The following XPOT variants were observed in gnomAD, a reference collection of about 807,000 sequenced individuals.
XPOT encodes exportin for tRNA.
XPOT carries 34 observed loss-of-function variants against 128.2 expected under a neutral mutation model. The ratio of observed to expected loss-of-function variants is 0.27; its 90% CI spans 0.20 to 0.35. XPOT has a LOEUF of 0.35. Among genes scored for constraint, XPOT ranks in the 10% least tolerant of loss-of-function variants. The pLI is 1.00. For synonymous variants in XPOT, 348 were observed against 394.3 expected, an observed-to-expected ratio of 0.88 and a Z score of 1.39; for missense variants, 838 against 1,125.3, an observed-to-expected ratio of 0.74 and a Z score of 3.65.
chr12:64,445,120 A>G lies in XPOT; in HGVS notation c.2851A>G (p.Asn951Asp), dbSNP rs770622196. The G allele has an allele frequency of 3.6e-5, 58 of 1,610,334 alleles. No homozygotes were observed. Among genetic ancestry groups the G allele is most frequent in the Non-Finnish European group, 4.7e-5 (55 of 1,178,368 alleles). Residue 951 changes from asparagine (N) to aspartate (D), a missense_variant, in exon 24 of 25, where the codon AAT becomes GAT. Asn to Asp is a conservative substitution (Grantham distance 23). Transcript: ENST00000332707. The stretch of plus-strand genomic sequence containing the variant: ...GCAGCCTGATGCTAAAGTTTTTAAA[A>G]ATTACTTAAAGGTAGGTATTTGTGA... ...LQQPDAKVFK[N>D]YLKVFFQRAK...
At position 64,448,171 on chromosome 12, in the gene XPOT, C is replaced by T; in HGVS notation, c.*40C>T. 6.2e-7 allele frequency: 1 copy of T among 1,606,610 alleles called. No individual in the cohort carries two copies. Among genetic ancestry groups the T allele is most frequent in the Non-Finnish European group, 8.5e-7 (1 of 1,173,380 alleles). ...TGTGCCTACTTCATGATCATGAATT[C>T]CAGTTAATTTATAAAGAGGCGATTT... On this transcript the variant is annotated 3_prime_UTR_variant, in exon 25 of 25. Transcript: ENST00000332707.
At chr12:64,407,893 C>T (rs750197465) in intron 1 of XPOT, among the ~76,000 whole-genome samples, 14 of 152,120 alleles carry the variant, frequency 9.2e-5, no homozygotes, top group Non-Finnish European at 1.8e-4. Flanking sequence ...AGCTCTCAGT[C>T]CATATCCTGA....
rs1267856848 is a variant in XPOT at position 64,433,535 on chromosome 12, G to A, written c.2384G>A (p.Arg795Gln). ...QSAALEKQML[R>Q]RSYFAFLQTV... Reference sequence around the variant, plus strand: ...GCTGCTTTAGAGAAGCAGATGTTGCGGAGGAGTTACTTTGCTTTCCTGCAA... The same window carrying A: ...GCTGCTTTAGAGAAGCAGATGTTGCAGAGGAGTTACTTTGCTTTCCTGCAA... Residue 795 changes from arginine to glutamine, a missense_variant, in exon 19 of 25, where the codon CGG becomes CAG. By Grantham distance (43) the Arg-to-Gln change is conservative. This residue lies in a region of XPOT where 761 missense variants were observed against 988.3 expected (regional missense o/e 0.77). Transcript: ENST00000332707. 2.1e-5 allele frequency: 34 copies of A among 1,613,006 alleles called. No individual in the cohort carries two copies. The highest frequency in any genetic ancestry group is 1.5e-4 in the African/African-American group (11 of 74,890).
chr12:64,406,635 C>T (rs1236754621), intron 1 of XPOT, among the ~76,000 whole-genome samples: 6 of 152,156 alleles, frequency 3.9e-5, no homozygotes, highest in Admixed American at 1.3e-4. Context: ...CTCGGCCTTC[C>T]TTAGTGCTGG....
At chr12:64,435,600 A>G in intron 21 of XPOT, 27 bp from the exon 22 acceptor site, 4 of 1,582,884 alleles carry the variant, frequency 2.5e-6, no homozygotes, top group Non-Finnish European at 3.4e-6. Context: ...TTGAATATAT[A>G]GAAATTCTTA....
At chr12:64,430,385 TA>T in intron 17 of XPOT, 98 bp downstream of exon 17, 1 of 1,000,510 alleles carries the variant, frequency 1.0e-6, no homozygotes, top group South Asian at 1.9e-5. Flanking sequence ...CACAGTTGGA[TA>T]ATCCAGAGAA....
intron 24 of XPOT, among the ~76,000 whole-genome samples, chr12:64,445,624 T>C (rs976483146): frequency 3.9e-5 from 6 of 152,184 alleles, no homozygotes; most frequent in African/African-American, 9.7e-5. Context: ...ATAGTTATAA[T>C]TGAGTTCATG....
In XPOT at chr12:64,425,884, T is replaced by C; in HGVS notation, c.1642T>C (p.Phe548Leu). 2 of 1,614,158 alleles carry C rather than the reference T, an allele frequency of 1.2e-6. No homozygotes were observed. Among genetic ancestry groups the C allele is most frequent in the South Asian group, 2.2e-5 (2 of 91,086 alleles). Reference protein sequence around the residue: ...AKVRSRTAYLFSRFVKSLNKQ... With the variant: ...AKVRSRTAYLLSRFVKSLNKQ... ...AGTTCGGAGCAGGACGGCTTACCTG[T>C]TTTCTAGATTTGTCAAATCTCTCAA... The change falls in exon 15 of 25, where the codon TTT becomes CTT. Residue 548 changes from phenylalanine to leucine, a missense_variant. Physicochemically the swap from Phe to Leu is conservative, Grantham distance 22. Coordinates refer to ENST00000332707, the MANE Select transcript of XPOT (RefSeq NM_007235.6).
chr12:64,443,735 A>G (rs977353452), intron 23 of XPOT, among the ~76,000 whole-genome samples: 1 of 152,094 alleles, frequency 6.6e-6, no homozygotes, highest in Non-Finnish European at 1.5e-5. Context: ...GATTACAGGC[A>G]TGAGCCACTG....
chr12:64,434,384 C>G, intron 19 of XPOT, 123 bp from the exon 20 acceptor site: 1 of 648,504 alleles, frequency 1.5e-6, no homozygotes, highest in Admixed American at 2.7e-5. Context: ...TTTTTTCCCC[C>G]TTCATTTTTC....
intron 14 of XPOT, 139 bp downstream of exon 14, chr12:64,425,596 TC>T: frequency 8.6e-7 from 1 of 1,161,802 alleles, no homozygotes; most frequent in Admixed American, 2.4e-5. Context: ...AAGTAACCCC[TC>T]CTCCATTTCT....
At chr12:64,427,945 C>A in intron 15 of XPOT, 106 bp from the exon 16 acceptor site, 1 of 716,518 alleles carries the variant, frequency 1.4e-6, no homozygotes, top group Non-Finnish European at 2.4e-6. Context: ...AAGTGACTAG[C>A]CTACAACTGA....
At chr12:64,405,231 T>A (rs1253508217) in intron 1 of XPOT, 3 of 152,486 alleles carry the variant, frequency 2.0e-5, no homozygotes, top group Non-Finnish European at 4.4e-5. Context: ...AAAGTGTTAT[T>A]TCTGTGCAGT....
chr12:64,434,707 G>T (rs2040268606), intron 20 of XPOT, 84 bp downstream of exon 20: 1 of 1,529,586 alleles, frequency 6.5e-7, no homozygotes, highest in South Asian at 1.1e-5. Flanking sequence ...CCCTAACAGA[G>T]AGAGAAACTG....
rs183589380 is a variant in XPOT at position 64,420,066 on chromosome 12, T to G, written c.490-4T>G. The G allele has an allele frequency of 1.3e-6, 2 of 1,551,556 alleles. No homozygotes were observed. The highest frequency in any genetic ancestry group is 1.4e-5 in the African/African-American group (1 of 72,450). ...TACTTTGCATTTGGCGTTTTGTATT[T>G]TAGGAGGCTCGTAGGAATACTCTCA... On this transcript the variant is annotated splice_polypyrimidine_tract_variant and splice_region_variant and intron_variant, in intron 6 of 24. Transcript: ENST00000332707.
chr12:64,421,549 A>T, intron 9 of XPOT, 78 bp downstream of exon 9: 1 of 960,434 alleles, frequency 1.0e-6, no homozygotes, highest in Non-Finnish European at 1.6e-6. Context: ...TGGAAAAATT[A>T]AAAATGAGAA....
At chr12:64,425,938 T>A (rs530385734) in intron 15 of XPOT, 29 bp downstream of exon 15, 1 of 1,588,446 alleles carries the variant, frequency 6.3e-7, no homozygotes, top group African/African-American at 1.3e-5. Context: ...CTATTATGTT[T>A]AGTTATTTTT....
intron 3 of XPOT, among the ~76,000 whole-genome samples, chr12:64,416,330 G>T (rs970432791): frequency 1.3e-5 from 2 of 152,182 alleles, no homozygotes; most frequent in Admixed American, 1.3e-4. Flanking sequence ...TGTCTGTTCT[G>T]CCATTTGTAA....
At chr12:64,407,864 A>T (rs1483822709) in intron 1 of XPOT, among the ~76,000 whole-genome samples, 1 of 152,148 alleles carries the variant, frequency 6.6e-6, no homozygotes, top group Non-Finnish European at 1.5e-5. Context: ...CATAAGAGAA[A>T]GGGCTGAGCT....
Sources: gnomAD v4.1 joint callset for allele counts (sites outside exome capture counted in the v4.1 genomes callset) on GRCh38, gnomAD v4.1.1 for gene constraint, gnomAD v4.1.1 regional missense constraint, MANE v1.5 for transcripts, NCBI Gene and HGNC (gene_info 2026-07-23, HGNC 2026-07-21) for gene names.